IGF2BP2: variants seen among roughly 807,000 people sequenced by gnomAD.
The protein encoded by IGF2BP2 is insulin like growth factor 2 mRNA binding protein 2.
In IGF2BP2, 17 loss-of-function variants were observed where a neutral mutation model predicts 75.8. The ratio of observed to expected loss-of-function variants is 0.22; its 90% CI spans 0.15 to 0.34. IGF2BP2 has a LOEUF of 0.34. IGF2BP2 is among the 10% of genes least tolerant of loss of function. The pLI is 1.00. For missense variants in IGF2BP2, 516 were observed against 772.4 expected (o/e 0.67, Z 3.93); for synonymous variants, 288 against 295.6 (o/e 0.97, Z 0.26).
chr3:185,652,298 G>C (rs1416431955), intron 12 of IGF2BP2, 130 bp from the exon 13 acceptor site: 2 of 703,784 alleles, frequency 2.8e-6, no homozygotes, highest in Admixed American at 5.6e-5. Flanking sequence ...CCCTGGTTCT[G>C]TCTGATGCCA....
intron 2 of IGF2BP2, among the ~76,000 whole-genome samples, chr3:185,721,678 T>A (rs981390198): frequency 2.0e-5 from 3 of 152,240 alleles, no homozygotes; most frequent in Non-Finnish European, 4.4e-5. Context: ...TTTATCAGTC[T>A]AAGCCTCAAG....
chr3:185,710,580 A>G (rs1406928672), intron 2 of IGF2BP2, among the ~76,000 whole-genome samples: 2 of 152,128 alleles, frequency 1.3e-5, no homozygotes, highest in African/African-American at 4.8e-5. Context: ...TAAAAATACA[A>G]AAATTAGCTG....
At chr3:185,786,048 T>C (rs984792553) in intron 2 of IGF2BP2, among the ~76,000 whole-genome samples, 1 of 152,132 alleles carries the variant, frequency 6.6e-6, no homozygotes, top group Non-Finnish European at 1.5e-5. Context: ...TTCAAACTTA[T>C]CTTTCATTAT....
intron 2 of IGF2BP2, among the ~76,000 whole-genome samples, chr3:185,701,344 A>T (rs1376140250): frequency 6.7e-6 from 1 of 150,228 alleles, no homozygotes; most frequent in African/African-American, 2.4e-5. Flanking sequence ...TATTTTTTTT[A>T]AAGTATACTG....
At chr3:185,718,208 T>C (rs1031374565) in intron 2 of IGF2BP2, 9 of 152,244 alleles carry the variant, frequency 5.9e-5, no homozygotes, top group South Asian at 2.1e-4. Flanking sequence ...TCATGCTGCA[T>C]TGGCAGCGCT....
At chr3:185,687,411 G>A (rs764033583) in intron 6 of IGF2BP2, among the ~76,000 whole-genome samples, 2 of 152,194 alleles carry the variant, frequency 1.3e-5, no homozygotes, top group Admixed American at 6.5e-5. Context: ...AGAAGGGAAC[G>A]GTTCTTACAG....
At position 185,734,059 on chromosome 3, in the gene IGF2BP2, A is replaced by G. The variant is rs116094945; in HGVS notation, c.240-35712T>C. Among the ~76,000 whole-genome samples, 432 of 152,218 alleles carry G rather than the reference A, an allele frequency of 2.8e-3. 1 individual carries two copies. Among genetic ancestry groups the G allele is most frequent in the Non-Finnish European group, 5.5e-3 (373 of 68,008 alleles). On this transcript the variant is annotated intron_variant, in intron 2 of 15. Coordinates refer to ENST00000382199, the MANE Select transcript of IGF2BP2 (RefSeq NM_006548.6). ...GAAGTATTTTTCACAAGAACCCTTA[A>G]CCCCCTTACTTCGCCACAAGAGGGT... is the stretch of plus-strand genomic sequence containing the variant.
chr3:185,767,589 C>T (rs1017412742), intron 2 of IGF2BP2, among the ~76,000 whole-genome samples: 3 of 151,992 alleles, frequency 2.0e-5, no homozygotes, highest in Non-Finnish European at 4.4e-5. Context: ...GACCACTGAA[C>T]CATTTTTTAA....
chr3:185,819,325 G>C (rs1741031539), intron 2 of IGF2BP2, among the ~76,000 whole-genome samples: 1 of 151,572 alleles, frequency 6.6e-6, no homozygotes. Flanking sequence ...TTATGTATTT[G>C]GTGAATTGAA....
intron 2 of IGF2BP2, among the ~76,000 whole-genome samples, chr3:185,775,220 G>C (rs1034233998): frequency 1.3e-5 from 2 of 152,186 alleles, no homozygotes; most frequent in Admixed American, 6.5e-5. Flanking sequence ...CCTGCCTTGT[G>C]AGAGCTCAGT....
intron 7 of IGF2BP2, among the ~76,000 whole-genome samples, chr3:185,680,084 A>G (rs2149267696): frequency 6.6e-6 from 1 of 152,370 alleles, no homozygotes; most frequent in South Asian, 2.1e-4. Flanking sequence ...AAAAAAAAAG[A>G]ACATTCAATA....
intron 2 of IGF2BP2, among the ~76,000 whole-genome samples, chr3:185,709,536 A>T (rs1343773169): frequency 6.6e-6 from 1 of 152,172 alleles, no homozygotes. Context: ...AAACAAGCCA[A>T]TTTCTTTCAT....
intron 2 of IGF2BP2, among the ~76,000 whole-genome samples, chr3:185,805,720 C>G (rs1183793379): frequency 2.0e-5 from 3 of 151,986 alleles, no homozygotes; most frequent in African/African-American, 4.8e-5. Flanking sequence ...CCTGTTCAGG[C>G]TCACTTTTAA....
chr3:185,742,633 G>C (rs574345874), intron 2 of IGF2BP2, among the ~76,000 whole-genome samples: 1 of 152,246 alleles, frequency 6.6e-6, no homozygotes, highest in South Asian at 2.1e-4. Context: ...CTCCAGCCTG[G>C]ATGACAGAGT....
chr3:185,824,693 G>A, intron 1 of IGF2BP2, 90 bp downstream of exon 1: 2 of 1,045,574 alleles, frequency 1.9e-6, no homozygotes, highest in Non-Finnish European at 2.5e-6. Flanking sequence ...GCCGCCGCCG[G>A]GCGCCGCCCG....
intron 2 of IGF2BP2, among the ~76,000 whole-genome samples, chr3:185,716,045 T>C (rs1187566134): frequency 6.6e-6 from 1 of 152,198 alleles, no homozygotes; most frequent in East Asian, 1.9e-4. Context: ...ACAATTACTA[T>C]TCTAATACTC....
intron 2 of IGF2BP2, among the ~76,000 whole-genome samples, chr3:185,743,851 G>A (rs748853330): frequency 2.6e-5 from 4 of 152,084 alleles, no homozygotes; most frequent in Non-Finnish European, 4.4e-5. Context: ...TCCACCACAC[G>A]CAACAATCCA....
intron 4 of IGF2BP2, 34 bp downstream of exon 4, chr3:185,696,578 T>G (rs1448239069): frequency 2.5e-6 from 4 of 1,585,932 alleles, no homozygotes; most frequent in Admixed American, 3.4e-5. Flanking sequence ...ATAATATCTC[T>G]CTCCAAAACC....
intron 2 of IGF2BP2, among the ~76,000 whole-genome samples, chr3:185,727,485 T>C (rs902944901): frequency 2.6e-5 from 4 of 151,938 alleles, no homozygotes; most frequent in Admixed American, 2.6e-4. Context: ...GTTGAACAGG[T>C]GAACAAAAAG....
Sources: gnomAD v4.1 joint callset for allele counts (sites outside exome capture counted in the v4.1 genomes callset) on GRCh38, gnomAD v4.1.1 for gene constraint, MANE v1.5 for transcripts, NCBI Gene and HGNC (gene_info 2026-07-23, HGNC 2026-07-21) for gene names.